SACS: variants seen among roughly 807,000 people sequenced by gnomAD.
SACS encodes sacsin molecular chaperone.
SACS carries 197 observed loss-of-function variants against 348.0 expected under a neutral mutation model. That is an observed-to-expected ratio of 0.57 (90% CI 0.50 to 0.64). SACS has a LOEUF of 0.64. Ranked by LOEUF, SACS falls within the 30% of genes least tolerant of loss-of-function variation. SACS has a pLI of 0.00. For missense variants in SACS, 4,999 were observed against 5,360.8 expected (o/e 0.93, Z 2.11); for synonymous variants, 1,985 against 1,910.6 (o/e 1.04, Z -1.02).
At chr13:23,346,176 C>T (rs889164510) in intron 9 of SACS, among the ~76,000 whole-genome samples, 2 of 152,132 alleles carry the variant, frequency 1.3e-5, no homozygotes, top group Non-Finnish European at 2.9e-5. Flanking sequence ...GACAGAGTCC[C>T]GCTCTGTCGC....
Position 23,332,745 on chromosome 13 carries a change from C to T in SACS, c.11131G>A (p.Ala3711Thr). 6.2e-7 allele frequency: 1 copy of T among 1,614,000 alleles called. No individual in the cohort carries two copies. The highest frequency in any genetic ancestry group is 1.3e-5 in the African/African-American group (1 of 75,048). ...WTSCPILPEK[A>T]TPLSIKEQEG... ...TGTTCTTTAATGCTTAAGGGTGTAG[C>T]TTTCTCTGGAAGAATAGGGCAGGAT... is the stretch of plus-strand genomic sequence containing the variant. Residue 3711 changes from alanine (A) to threonine (T), a missense_variant, in exon 10 of 10, where the codon GCT becomes ACT. Coordinates refer to ENST00000382292, the MANE Select transcript of SACS (RefSeq NM_014363.6).
intron 9 of SACS, among the ~76,000 whole-genome samples, chr13:23,343,899 T>G (rs12584413): frequency 0.36 from 54,681 of 152,018 alleles, 11,062 homozygotes; most frequent in Non-Finnish European, 0.44. Flanking sequence ...CCATAGAAAT[T>G]TAATAAGCAA....
At chr13:23,399,246 C>G (rs1253206218) in intron 2 of SACS, among the ~76,000 whole-genome samples, 1 of 152,058 alleles carries the variant, frequency 6.6e-6, no homozygotes, top group Admixed American at 6.6e-5. Context: ...ACAGTAAGTT[C>G]CTTTTCAAAG....
chr13:23,400,366 G>A (rs1359707820), intron 2 of SACS, among the ~76,000 whole-genome samples: 3 of 152,100 alleles, frequency 2.0e-5, no homozygotes, highest in Non-Finnish European at 4.4e-5. Flanking sequence ...AGGAATTTGG[G>A]TAAGATAAAA....
In SACS at chr13:23,411,252, T is replaced by C. The variant is rs17078720; in HGVS notation, c.-13A>G. On this transcript the variant is annotated 5_prime_UTR_variant, in exon 2 of 10. Transcript: ENST00000382292. Reference sequence around the variant, plus strand: ...CCTTGGTCTCCATGATCACTTCTCCTGGGATATTTGTTTGTGAAAACCATG... The same window carrying C: ...CCTTGGTCTCCATGATCACTTCTCCCGGGATATTTGTTTGTGAAAACCATG... 511,742 of 1,595,820 alleles carry C rather than the reference T, an allele frequency of 0.32. 85,085 individuals carry two copies. Among genetic ancestry groups the C allele is most frequent in the East Asian group, 0.44 (19,639 of 44,738 alleles).
chr13:23,375,990 G>A (rs140863648), intron 2 of SACS, among the ~76,000 whole-genome samples: 1 of 152,184 alleles, frequency 6.6e-6, no homozygotes, highest in Non-Finnish European at 1.5e-5. Context: ...AGTGGCCTCC[G>A]AGAAGGGAAC....
At chr13:23,430,383 T>A (rs1874387149) in intron 1 of SACS, among the ~76,000 whole-genome samples, 1 of 152,174 alleles carries the variant, frequency 6.6e-6, no homozygotes, top group East Asian at 1.9e-4. Flanking sequence ...TATTGCCAAA[T>A]TTAGCAAATA....
intron 1 of SACS, among the ~76,000 whole-genome samples, chr13:23,421,851 C>T (rs1412927620): frequency 1.3e-5 from 2 of 151,874 alleles, no homozygotes; most frequent in African/African-American, 2.4e-5. Flanking sequence ...TCCACTGTGG[C>T]CCTGGTATTT....
chr13:23,329,987 C>T lies in SACS; in HGVS notation c.*149G>A, dbSNP rs1883364057. 1 of 733,358 alleles carries T rather than the reference C, an allele frequency of 1.4e-6. No homozygotes were observed. The highest frequency in any genetic ancestry group is 2.5e-5 in the Admixed American group (1 of 40,298). 45.4% of individuals were successfully genotyped at this position (733,358 alleles called of 1,614,324 possible). A position where few individuals can be genotyped will look rare whatever the true frequency, so the allele number is the denominator to read the frequency against. ...TCAGTTAAGGTTTTCCGTTGGTATT[C>T]ATGTTCATAACAACTCCAGAATTCT... is the stretch of plus-strand genomic sequence containing the variant. On this transcript the variant is annotated 3_prime_UTR_variant, in exon 10 of 10. Transcript: ENST00000382292.
Position 23,368,875 on chromosome 13 carries a change from A to AT in SACS, c.260-389dup, listed in dbSNP as rs1055904466. Among the ~76,000 whole-genome samples, 10 of 151,826 alleles carry AT rather than the reference A, an allele frequency of 6.6e-5. No individual in the cohort carries two copies. The South Asian group carries it at 1.2e-3, about 19-fold the overall frequency. On this transcript the variant is annotated intron_variant, in intron 4 of 9. Transcript: ENST00000382292. ...CACCATGCCCAGCTAATTTTTTTGT[A>AT]TTTTTAGTAGAGATGGGGTTTCACC... is the stretch of plus-strand genomic sequence containing the variant.
At chr13:23,411,169 T>C in intron 2 of SACS, 51 bp downstream of exon 2, 1 of 1,511,988 alleles carries the variant, frequency 6.6e-7, no homozygotes, top group Non-Finnish European at 9.2e-7. Flanking sequence ...ATCCAACAAG[T>C]CTTAAAATCC....
Position 23,339,603 on chromosome 13 carries a change from C to T in SACS, c.4273G>A (p.Asp1425Asn). Residue 1425 changes from aspartate to asparagine, a missense_variant, in exon 10 of 10, where the codon GAC (aspartate) becomes AAC (asparagine). Physicochemically the swap from Asp to Asn is conservative, Grantham distance 23. This residue lies in a region of SACS where 3,156 missense variants were observed against 3,380.1 expected (regional missense o/e 0.93). Coordinates refer to ENST00000382292, the MANE Select transcript of SACS (RefSeq NM_014363.6). ...CATTCTGCAGTTTTCATGGGTATGTCCTCATGCACCAAAATGATTGGTTCC... is the reference window on the plus strand; with the variant it reads ...CATTCTGCAGTTTTCATGGGTATGTTCTCATGCACCAAAATGATTGGTTCC... ...SVEPIILVHE[D>N]IPMKTAEWLK... 2 of 1,612,030 alleles carry T rather than the reference C, an allele frequency of 1.2e-6. No individual in the cohort carries two copies. The highest frequency in any genetic ancestry group is 1.7e-6 in the Non-Finnish European group (2 of 1,178,420).
chr13:23,336,383 G>A lies in SACS; in HGVS notation c.7493C>T (p.Ala2498Val). Residue 2498 changes from alanine to valine, a missense_variant, in exon 10 of 10, where the codon GCA becomes GTA. Ala to Val is a moderately conservative substitution (Grantham distance 64, BLOSUM62 0). Coordinates refer to ENST00000382292, the MANE Select transcript of SACS (RefSeq NM_014363.6). ...TAAGGCTTTGTGTCGCTTTGGGACT[G>A]CTCCTAGTTTTACTGCTACTTCCCT... ...IPREVAVKLGAVPKRHKALER... is the reference protein window; with the variant it reads ...IPREVAVKLGVVPKRHKALER... 1 of 1,614,056 alleles carries A rather than the reference G, an allele frequency of 6.2e-7. No homozygotes were observed.
chr13:23,375,516 A>AGAGGAAGCCGCGGCGGCC (rs1871724774), intron 2 of SACS: 2 of 1,110,262 alleles, frequency 1.8e-6, no homozygotes, highest in Non-Finnish European at 2.2e-6. Context: ...AGGAAACGCT[A>AGAGGAAGCCGCGGCGGCC]GAGGAAGCCG....
At chr13:23,370,579 A>T (rs1871326265) in intron 4 of SACS, among the ~76,000 whole-genome samples, 1 of 152,186 alleles carries the variant, frequency 6.6e-6, no homozygotes. Context: ...TTATTCATAT[A>T]GCAAACTTTG....
chr13:23,399,573 A>T (rs1872867566), intron 2 of SACS, among the ~76,000 whole-genome samples: 1 of 152,086 alleles, frequency 6.6e-6, no homozygotes, highest in Admixed American at 6.6e-5. Context: ...TTTAGATAGT[A>T]CACTCCTACT....
rs761450350 is a variant in SACS at position 23,335,145 on chromosome 13, T to A, written c.8731A>T (p.Asn2911Tyr). 1 of 1,613,984 alleles carries A rather than the reference T, an allele frequency of 6.2e-7. No individual in the cohort carries two copies. Among genetic ancestry groups the A allele is most frequent in the Non-Finnish European group, 8.5e-7 (1 of 1,179,896 alleles). Reference protein sequence around the residue: ...NGVGVRSDWNNSLMTALIAPA... With the variant: ...NGVGVRSDWNYSLMTALIAPA... ...GCTATTAATGCTGTCATTAAACTGT[T>A]ATTCCAGTCACTTCGAACACCAACT... is the stretch of plus-strand genomic sequence containing the variant. Residue 2911 changes from asparagine to tyrosine, a missense_variant, in exon 10 of 10, where the codon AAC (asparagine) becomes TAC (tyrosine). This residue lies in a region of SACS where 734 missense variants were observed against 694.0 expected (regional missense o/e 1.06). Transcript: ENST00000382292. This position sits in a 1 kb window ranked among gnomAD's most constrained non-coding sequence, Gnocchi z 4.7.
intron 2 of SACS, among the ~76,000 whole-genome samples, chr13:23,397,522 C>T (rs999139336): frequency 2.0e-5 from 3 of 152,118 alleles, no homozygotes; most frequent in African/African-American, 7.2e-5. Context: ...CTCTTAGTAA[C>T]ATATTTTAAA....
chr13:23,363,602 A>C (rs1870879504), intron 6 of SACS, among the ~76,000 whole-genome samples: 1 of 152,230 alleles, frequency 6.6e-6, no homozygotes, highest in Admixed American at 6.5e-5. Context: ...AAAATAATCC[A>C]GTTTCAAATG....
Sources: allele counts gnomAD v4.1 joint callset (sites outside exome capture counted in the v4.1 genomes callset), GRCh38; gene constraint gnomAD v4.1.1; regional missense constraint gnomAD v4.1.1; non-coding constraint Gnocchi (gnomAD v3.1); transcripts MANE v1.5; gene names NCBI Gene and HGNC (gene_info 2026-07-23, HGNC 2026-07-21).